The following ARHGAP15 variants were observed in gnomAD, a reference collection of about 807,000 sequenced individuals.
ARHGAP15 encodes the protein Rho GTPase activating protein 15.
A neutral mutation model predicts 63.7 loss-of-function variants in ARHGAP15; 51 were observed. That is an observed-to-expected ratio of 0.80 (90% CI 0.64 to 1.01). The LOEUF is 1.01. Among genes scored for constraint, ARHGAP15 ranks in the 50% least tolerant of loss-of-function variants. The probability of loss-of-function intolerance (pLI) is 0.00; values close to 1 mark genes in which losing one functional copy is unlikely to be tolerated. For missense variants in ARHGAP15, 560 were observed against 564.6 expected (o/e 0.99, Z 0.08); for synonymous variants, 191 against 193.8 (o/e 0.99, Z 0.12).
At chr2:143,530,313 A>G (rs1031658734) in intron 10 of ARHGAP15, among the ~76,000 whole-genome samples, 5 of 152,056 alleles carry the variant, frequency 3.3e-5, no homozygotes, top group African/African-American at 1.2e-4. Context: ...CCATATTTGT[A>G]ATAATCTTGA....
intron 12 of ARHGAP15, among the ~76,000 whole-genome samples, chr2:143,673,404 TCTC>T (rs1420610208): frequency 2.0e-5 from 3 of 151,824 alleles, no homozygotes; most frequent in Admixed American, 6.6e-5. Flanking sequence ...TTCAAGCAAT[TCTC>T]CTTCCTCAGC....
At chr2:143,383,058 C>T (rs191537953) in intron 6 of ARHGAP15, among the ~76,000 whole-genome samples, 8 of 152,258 alleles carry the variant, frequency 5.3e-5, no homozygotes, top group Admixed American at 3.3e-4. Flanking sequence ...CTTACGTAGA[C>T]GTGTGTCAAG....
At chr2:143,346,216 T>TCACACACA (rs1685279296) in intron 6 of ARHGAP15, among the ~76,000 whole-genome samples, 2 of 128,038 alleles carry the variant, frequency 1.6e-5, no homozygotes, top group African/African-American at 6.7e-5. Flanking sequence ...ACACACACTC[T>TCACACACA]CTCTCACACA....
intron 3 of ARHGAP15, among the ~76,000 whole-genome samples, chr2:143,215,250 A>G (rs1427063230): frequency 6.6e-6 from 1 of 151,834 alleles, no homozygotes; most frequent in African/African-American, 2.4e-5. Flanking sequence ...TCTAATAAAA[A>G]GACGTGCACA....
chr2:143,274,799 GAA>G (rs1486384861), intron 6 of ARHGAP15, among the ~76,000 whole-genome samples: 1 of 152,142 alleles, frequency 6.6e-6, no homozygotes, highest in Non-Finnish European at 1.5e-5. Flanking sequence ...CAGTCTTTGA[GAA>G]CCTAACAATG....
At chr2:143,646,182 C>A (rs998693966) in intron 12 of ARHGAP15, among the ~76,000 whole-genome samples, 1 of 151,962 alleles carries the variant, frequency 6.6e-6, no homozygotes. Context: ...GTATGAAGGG[C>A]TGTGAGAGCA....
At chr2:143,767,948 C>T (rs1195571472) in intron 13 of ARHGAP15, 41 bp from the exon 14 acceptor site, 4 of 1,580,764 alleles carry the variant, frequency 2.5e-6, no homozygotes, top group Non-Finnish European at 3.4e-6. Context: ...AACTTCACTT[C>T]AAACTCCAGT....
chr2:143,676,084 G>C (rs760719239), intron 12 of ARHGAP15: 3 of 154,384 alleles, frequency 1.9e-5, no homozygotes, highest in Admixed American at 6.5e-5. Flanking sequence ...TGTAGAGACA[G>C]CTTTCTTTTT....
At chr2:143,285,266 AT>A (rs528509066) in intron 6 of ARHGAP15, among the ~76,000 whole-genome samples, 8 of 152,110 alleles carry the variant, frequency 5.3e-5, no homozygotes, top group Admixed American at 1.3e-4. Flanking sequence ...CTAATTCAAT[AT>A]TTTTTTTCAA....
At chr2:143,411,214 A>G (rs971243175) in intron 6 of ARHGAP15, among the ~76,000 whole-genome samples, 20 of 139,922 alleles carry the variant, frequency 1.4e-4, no homozygotes, top group Non-Finnish European at 2.8e-4. Flanking sequence ...AAAAAACAAA[A>G]GAAGAAAGAA....
chr2:143,485,420 T>A (rs1692281278), intron 8 of ARHGAP15, among the ~76,000 whole-genome samples: 1 of 152,222 alleles, frequency 6.6e-6, no homozygotes, highest in Non-Finnish European at 1.5e-5. Context: ...GGTAGATATG[T>A]ATGAGATTGT....
At chr2:143,394,687 C>G (rs558259745) in intron 6 of ARHGAP15, among the ~76,000 whole-genome samples, 1 of 152,130 alleles carries the variant, frequency 6.6e-6, no homozygotes, top group South Asian at 2.1e-4. Flanking sequence ...TTTTTTAAAT[C>G]CTAGTTGAGG....
intron 10 of ARHGAP15, among the ~76,000 whole-genome samples, chr2:143,553,913 C>T (rs1425590011): frequency 1.3e-5 from 2 of 152,096 alleles, no homozygotes; most frequent in Middle Eastern, 3.2e-3. Context: ...AAGACATGCA[C>T]TTGATTTTAC....
At chr2:143,389,767 T>C (rs905785221) in intron 6 of ARHGAP15, among the ~76,000 whole-genome samples, 4 of 152,138 alleles carry the variant, frequency 2.6e-5, no homozygotes, top group Non-Finnish European at 5.9e-5. Flanking sequence ...CAGTAGTTGA[T>C]ATTTTTTTCA....
At chr2:143,212,460 T>G (rs1692599170) in intron 3 of ARHGAP15, among the ~76,000 whole-genome samples, 2 of 152,194 alleles carry the variant, frequency 1.3e-5, no homozygotes, top group South Asian at 4.1e-4. Flanking sequence ...GAAGCCAGAT[T>G]TAGCATCTAA....
At chr2:143,628,452 T>C (rs934932340) in intron 12 of ARHGAP15, among the ~76,000 whole-genome samples, 16 of 152,188 alleles carry the variant, frequency 1.1e-4, no homozygotes, top group Non-Finnish European at 1.8e-4. Flanking sequence ...TCAAAGCCAC[T>C]GGAAGGAGAT....
intron 10 of ARHGAP15, among the ~76,000 whole-genome samples, chr2:143,540,978 A>G (rs1192782128): frequency 1.3e-5 from 2 of 152,184 alleles, no homozygotes; most frequent in African/African-American, 2.4e-5. Context: ...GTGTTTTCCA[A>G]CTTGGTTCCA....
intron 8 of ARHGAP15, among the ~76,000 whole-genome samples, chr2:143,477,849 C>A (rs898819772): frequency 1.3e-5 from 2 of 152,178 alleles, no homozygotes; most frequent in African/African-American, 2.4e-5. Context: ...CAACCAGGAA[C>A]AAAACAAGCC....
chr2:143,299,178 T>A (rs986323542), intron 6 of ARHGAP15, among the ~76,000 whole-genome samples: 7 of 151,936 alleles, frequency 4.6e-5, no homozygotes, highest in Non-Finnish European at 1.0e-4. Flanking sequence ...AAACTTTTTT[T>A]ATTCAACTTA....
Sources: allele counts gnomAD v4.1 joint callset (sites outside exome capture counted in the v4.1 genomes callset), GRCh38; gene constraint gnomAD v4.1.1; transcripts MANE v1.5; gene names NCBI Gene and HGNC (gene_info 2026-07-23, HGNC 2026-07-21).